Variants in RBFOX2 observed in about 807,000 individuals in gnomAD.
RBFOX2 encodes RNA binding protein fox-1 homolog 2.
Under a neutral mutation model 49.1 loss-of-function variants are expected in RBFOX2, and 10 were observed. The ratio of observed to expected loss-of-function variants is 0.20; its 90% CI spans 0.13 to 0.35. The LOEUF (loss-of-function observed/expected upper bound fraction) is 0.35. Among genes scored for constraint, RBFOX2 ranks in the 10% least tolerant of loss-of-function variants. The pLI, the probability that RBFOX2 is intolerant of heterozygous loss-of-function variation, is 1.00. For synonymous variants in RBFOX2, 183 were observed against 187.4 expected (o/e 0.98, Z 0.19); for missense variants, 323 against 486.9 (o/e 0.66, Z 3.17).
chr22:35,842,644 A>G (rs2040653427), upstream of RBFOX2, among the ~76,000 whole-genome samples: 1 of 152,092 alleles, frequency 6.6e-6, no homozygotes, highest in African/African-American at 2.4e-5. Context: ...GGTTTATTAC[A>G]CTATTCTTGA....
chr22:35,846,028 CTATA>C (rs985575091), intron 1 of RBFOX2, among the ~76,000 whole-genome samples: 4 of 150,584 alleles, frequency 2.7e-5, no homozygotes, highest in Non-Finnish European at 4.4e-5. Flanking sequence ...ATTATATAAA[CTATA>C]TAAGTATAAA....
intron 1 of RBFOX2, among the ~76,000 whole-genome samples, chr22:35,826,713 T>C (rs565429761): frequency 9.9e-5 from 15 of 152,194 alleles, no homozygotes; most frequent in Non-Finnish European, 2.1e-4. Context: ...TTCCTAACAC[T>C]GCAGATAGCA....
intron 2 of RBFOX2, among the ~76,000 whole-genome samples, chr22:35,799,571 A>G (rs1372806964): frequency 2.0e-5 from 3 of 152,190 alleles, no homozygotes; most frequent in Non-Finnish European, 2.9e-5. Flanking sequence ...CATAAGCGAA[A>G]TATACTTAAA....
intron 1 of RBFOX2, among the ~76,000 whole-genome samples, chr22:36,027,143 C>A (rs559428014): frequency 9.2e-5 from 14 of 152,118 alleles, no homozygotes; most frequent in African/African-American, 3.4e-4. Flanking sequence ...CCAAAAAAAA[C>A]AAAGATGAAA....
At chr22:35,881,126 G>C (rs545499833) in intron 1 of RBFOX2, among the ~76,000 whole-genome samples, 1 of 152,142 alleles carries the variant, frequency 6.6e-6, no homozygotes, top group East Asian at 1.9e-4. Flanking sequence ...TTAGCTGGGC[G>C]TGGTGGCGGG....
intron 1 of RBFOX2, among the ~76,000 whole-genome samples, chr22:35,933,579 A>G (rs1012930356): frequency 3.3e-5 from 5 of 152,082 alleles, no homozygotes; most frequent in African/African-American, 1.2e-4. Flanking sequence ...CCATCCCCCA[A>G]ACCGAGTTGA....
rs183099212 is a variant in RBFOX2, at chr22:35,968,280, G to A, written c.187-29383C>T. 2.0e-5 allele frequency among the ~76,000 whole-genome samples: 3 copies of A among 152,294 alleles called. No homozygotes were observed. In the East Asian group the frequency reaches 5.8e-4, roughly 29 times the overall value. On this transcript the variant is annotated intron_variant, in intron 1 of 13. Coordinates refer to the RBFOX2 transcript ENST00000438146. ...GGATAGTCATTCAACCAATTTAGATGAGCAACAAGTTTTTAAAGTAAACAG... is the reference window on the plus strand; with the variant it reads ...GGATAGTCATTCAACCAATTTAGATAAGCAACAAGTTTTTAAAGTAAACAG...
intron 1 of RBFOX2, among the ~76,000 whole-genome samples, chr22:35,890,932 T>C (rs543681877): frequency 6.6e-6 from 1 of 152,200 alleles, no homozygotes; most frequent in East Asian, 1.9e-4. Flanking sequence ...TACTCTCTCA[T>C]GGTTGCTTTC....
upstream of RBFOX2, among the ~76,000 whole-genome samples, chr22:35,940,501 T>G (rs1048154125): frequency 1.3e-5 from 2 of 152,162 alleles, no homozygotes; most frequent in East Asian, 1.9e-4. Context: ...GGTGGGAATG[T>G]AAAATGGTAT....
At chr22:35,789,061 T>C (rs1023432103) in intron 2 of RBFOX2, among the ~76,000 whole-genome samples, 1 of 152,176 alleles carries the variant, frequency 6.6e-6, no homozygotes, top group African/African-American at 2.4e-5. Context: ...TCAGAATTTT[T>C]AGAATTTTAG....
At chr22:35,989,216 T>C (rs564019058) in intron 1 of RBFOX2, among the ~76,000 whole-genome samples, 1 of 152,264 alleles carries the variant, frequency 6.6e-6, no homozygotes, top group South Asian at 2.1e-4. Context: ...TAGCAATAGA[T>C]GAGCTTGCCC....
chr22:35,781,720 G>A lies in RBFOX2; in HGVS notation c.279C>T (p.Asp93=), dbSNP rs778088509. ...TACTTTGTGTCTGTGACTGCTGGCCGTCTGTCTGTGCTCCACCTTCTGTCT... is the reference window on the plus strand; with the variant it reads ...TACTTTGTGTCTGTGACTGCTGGCCATCTGTCTGTGCTCCACCTTCTGTCT... Residue 93 remains aspartate, a synonymous_variant, in exon 3 of 12, where the codon GAC becomes GAT. Coordinates refer to ENST00000405409, the Ensembl canonical transcript of RBFOX2. 2.3e-5 allele frequency: 37 copies of A among 1,613,978 alleles called. 1 individual carries two copies. Among genetic ancestry groups the A allele is most frequent in the Middle Eastern group, 3.3e-4 (2 of 6,084 alleles).
At position 35,746,474 on chromosome 22, in the gene RBFOX2, C is replaced by T. The variant is rs370030634; in HGVS notation, c.975G>A (p.Thr325=). Residue 325 remains threonine (T), a splice_region_variant and synonymous_variant, in exon 10 of 12, where the codon ACG becomes ACA. Coordinates refer to ENST00000405409, the Ensembl canonical transcript of RBFOX2. ...GCTCACCACTGTCTCTGTACATACC[C>T]GTCACTGTAAGCGGCTGCAGCGGCT... The T allele has an allele frequency of 1.3e-5, 20 of 1,596,382 alleles. No homozygotes were observed. Among genetic ancestry groups the T allele is most frequent in the East Asian group, 6.8e-5 (3 of 44,432 alleles).
At chr22:35,840,442 A>C in exon 1 of RBFOX2, 4 of 1,424,234 alleles carry the variant, frequency 2.8e-6, no homozygotes, top group Admixed American at 2.8e-5. Flanking sequence ...GCTCCCTCCC[A>C]TATCTCAGGC....
At chr22:35,898,205 G>A (rs926291649) in intron 1 of RBFOX2, 36 of 755,474 alleles carry the variant, frequency 4.8e-5, no homozygotes, top group East Asian at 1.3e-4. Flanking sequence ...ACAACACATC[G>A]GCCCAGGAAT....
intron 4 of RBFOX2, among the ~76,000 whole-genome samples, chr22:35,771,995 C>T (rs1344803827): frequency 6.6e-6 from 1 of 152,126 alleles, no homozygotes; most frequent in Non-Finnish European, 1.5e-5. Context: ...ATGTCTAAAT[C>T]TAAAGTATTT....
At chr22:35,753,618 G>A (rs562913339) in intron 9 of RBFOX2, among the ~76,000 whole-genome samples, 1 of 150,796 alleles carries the variant, frequency 6.6e-6, no homozygotes, top group African/African-American at 2.4e-5. Flanking sequence ...AGGTAATCCA[G>A]TTAGTAGATT....
intron 1 of RBFOX2, among the ~76,000 whole-genome samples, chr22:35,944,023 A>G (rs2053993507): frequency 6.6e-6 from 1 of 152,246 alleles, no homozygotes; most frequent in African/African-American, 2.4e-5. Context: ...AGATGCTCCT[A>G]TATGTACCTA....
intron 1 of RBFOX2, among the ~76,000 whole-genome samples, chr22:35,926,743 C>T (rs1433383302): frequency 6.6e-6 from 1 of 152,150 alleles, no homozygotes; most frequent in Non-Finnish European, 1.5e-5. Context: ...TCCACAGTAG[C>T]CCTGAAGGAT....
Sources: gnomAD v4.1 joint callset for allele counts (sites outside exome capture counted in the v4.1 genomes callset) on GRCh38, gnomAD v4.1.1 for gene constraint, MANE v1.5 for transcripts, NCBI Gene and HGNC (gene_info 2026-07-23, HGNC 2026-07-21) for gene names.